Variants in DNAH7 observed in about 807,000 individuals in gnomAD.
DNAH7 encodes the protein dynein axonemal heavy chain 7.
Under a neutral mutation model 444.6 loss-of-function variants are expected in DNAH7, and 397 were observed. The ratio of observed to expected loss-of-function variants is 0.89; its 90% CI spans 0.82 to 0.97. DNAH7 has a LOEUF of 0.97. Ranked by LOEUF, DNAH7 falls within the 50% of genes least tolerant of loss-of-function variation. The pLI is 0.00. For missense variants in DNAH7, 4,902 were observed against 4,800.8 expected (o/e 1.02, Z -0.62); for synonymous variants, 1,636 against 1,624.4 (o/e 1.01, Z -0.17).
At chr2:196,008,971 A>G (rs1183146077) in intron 10 of DNAH7, among the ~76,000 whole-genome samples, 1 of 144,178 alleles carries the variant, frequency 6.9e-6, no homozygotes, top group Non-Finnish European at 1.5e-5. Flanking sequence ...GAACATTATA[A>G]TTACGGCAGA....
intron 56 of DNAH7, among the ~76,000 whole-genome samples, chr2:195,795,078 A>G (rs1239012203): frequency 1.3e-5 from 2 of 152,174 alleles, no homozygotes; most frequent in African/African-American, 2.4e-5. Flanking sequence ...GCAGACAGGC[A>G]CAAACATAAA....
At chr2:195,763,508 C>A (rs951592223) in intron 61 of DNAH7, among the ~76,000 whole-genome samples, 1 of 151,548 alleles carries the variant, frequency 6.6e-6, no homozygotes, top group Non-Finnish European at 1.5e-5. Context: ...AGAGAGAAGA[C>A]CCAAATAAAT....
intron 22 of DNAH7, among the ~76,000 whole-genome samples, chr2:195,926,009 AAC>A (rs1345355774): frequency 1.3e-5 from 2 of 152,122 alleles, no homozygotes; most frequent in Non-Finnish European, 1.5e-5. Flanking sequence ...TAGAAATAAA[AAC>A]AGTCACAATA....
chr2:195,789,125 A>AC (rs1695757738), intron 57 of DNAH7, among the ~76,000 whole-genome samples: 1 of 152,160 alleles, frequency 6.6e-6, no homozygotes, highest in Non-Finnish European at 1.5e-5. Flanking sequence ...ATCTTATGCC[A>AC]GAAAGTAAGA....
At chr2:195,762,921 A>G (rs1219477950) in intron 61 of DNAH7, among the ~76,000 whole-genome samples, 1 of 152,200 alleles carries the variant, frequency 6.6e-6, no homozygotes, top group Non-Finnish European at 1.5e-5. Flanking sequence ...TGGCTGCAGA[A>G]TACATGGTTA....
intron 22 of DNAH7, among the ~76,000 whole-genome samples, chr2:195,926,032 A>T (rs1423886317): frequency 6.6e-6 from 1 of 152,116 alleles, no homozygotes; most frequent in East Asian, 1.9e-4. Flanking sequence ...AGTCAACTGG[A>T]GCCTTATCTA....
At chr2:195,998,872 C>A in intron 12 of DNAH7, 1 of 445,038 alleles carries the variant, frequency 2.2e-6, no homozygotes, top group East Asian at 3.3e-5. Flanking sequence ...TCTTTTATAA[C>A]GTATAGCTAA....
chr2:196,014,592 G>A (rs1261321088), intron 9 of DNAH7, among the ~76,000 whole-genome samples: 1 of 152,096 alleles, frequency 6.6e-6, no homozygotes, highest in East Asian at 1.9e-4. Context: ...CTGATTTTCA[G>A]GCAGGAGGAA....
At chr2:195,757,634 G>C (rs1015310140) in intron 61 of DNAH7, among the ~76,000 whole-genome samples, 4 of 152,290 alleles carry the variant, frequency 2.6e-5, no homozygotes, top group Middle Eastern at 3.4e-3. Context: ...TAGAAACAAA[G>C]AGGGGAAGGG....
chr2:196,059,502 T>C (rs981493423), intron 1 of DNAH7, among the ~76,000 whole-genome samples: 13 of 152,194 alleles, frequency 8.5e-5, no homozygotes, highest in African/African-American at 2.4e-5. Context: ...ACAACCAGCA[T>C]ATTATCATGG....
intron 29 of DNAH7, among the ~76,000 whole-genome samples, chr2:195,897,248 TAA>T (rs534056893): frequency 8.3e-4 from 126 of 152,302 alleles, no homozygotes; most frequent in South Asian, 1.9e-3. Context: ...AACAATTTCA[TAA>T]AAGTCATCTC....
chr2:195,868,315 A>T (rs546205647), intron 40 of DNAH7, among the ~76,000 whole-genome samples: 73 of 151,216 alleles, frequency 4.8e-4, no homozygotes, highest in Non-Finnish European at 1.9e-4. Flanking sequence ...CGATCTCCTG[A>T]CCTCATGATC....
chr2:195,905,614 T>C (rs1404022269), intron 27 of DNAH7: 2 of 152,126 alleles, frequency 1.3e-5, no homozygotes, highest in African/African-American at 4.8e-5. Context: ...GCATTATTCT[T>C]CAACATTGCT....
At chr2:195,763,449 G>A (rs1214340322) in intron 61 of DNAH7, among the ~76,000 whole-genome samples, 1 of 151,864 alleles carries the variant, frequency 6.6e-6, no homozygotes, top group Non-Finnish European at 1.5e-5. Flanking sequence ...TTGATTTTAT[G>A]AAAAGATAAA....
chr2:195,750,738 T>C (rs914709136), intron 63 of DNAH7, among the ~76,000 whole-genome samples: 3 of 152,146 alleles, frequency 2.0e-5, no homozygotes, highest in Non-Finnish European at 4.4e-5. Flanking sequence ...ATCTGAGCCA[T>C]AGGGGTATTG....
Position 196,048,393 on chromosome 2 carries a change from C to T in DNAH7, c.153G>A (p.Lys51=), listed in dbSNP as rs1356721673. The T allele has an allele frequency of 1.2e-6, 2 of 1,613,320 alleles. No individual in the cohort carries two copies. The highest frequency in any genetic ancestry group is 8.5e-7 in the Non-Finnish European group (1 of 1,179,766). The change falls in exon 4 of 65, where the codon AAG becomes AAA. Residue 51 remains lysine (K), a synonymous_variant. Coordinates refer to ENST00000312428, the MANE Select transcript of DNAH7 (RefSeq NM_018897.3). ...ATGGAGCTGCCTGCTGCCAGTGGGG[C>T]TTTGTACTCACCTAAAATACAAAAT... ...ALPQLSMVST[K]PHWQQAAPSF...
chr2:195,779,859 C>A (rs367555099), intron 58 of DNAH7, among the ~76,000 whole-genome samples: 1 of 152,132 alleles, frequency 6.6e-6, no homozygotes, highest in Non-Finnish European at 1.5e-5. Context: ...ACTGCCTCAG[C>A]CTCCCAAAGT....
chr2:195,744,330 C>G (rs1693245618), intron 63 of DNAH7, among the ~76,000 whole-genome samples: 1 of 152,228 alleles, frequency 6.6e-6, no homozygotes, highest in Non-Finnish European at 1.5e-5. Flanking sequence ...CGCCATTGCC[C>G]AGGCTTGCCT....
chr2:195,828,620 T>C (rs1277649868), intron 48 of DNAH7, among the ~76,000 whole-genome samples: 2 of 148,720 alleles, frequency 1.3e-5, no homozygotes, highest in South Asian at 2.1e-4. Flanking sequence ...ATTTTTTTTT[T>C]TTTTTTCTAT....
Sources: gnomAD v4.1 joint callset for allele counts (sites outside exome capture counted in the v4.1 genomes callset) on GRCh38, gnomAD v4.1.1 for gene constraint, MANE v1.5 for transcripts, NCBI Gene and HGNC (gene_info 2026-07-23, HGNC 2026-07-21) for gene names.